The following PRKCE variants were observed in gnomAD, a reference collection of about 807,000 sequenced individuals.
The protein encoded by PRKCE is protein kinase C epsilon, also known as protein kinase C epsilon type.
PRKCE carries 16 observed loss-of-function variants against 85.4 expected under a neutral mutation model. The observed-to-expected ratio is 0.19, with a 90% CI of 0.13 to 0.28. PRKCE has a LOEUF of 0.28. PRKCE is among the 10% of genes least tolerant of loss of function. PRKCE has a pLI of 1.00. For synonymous variants in PRKCE, 388 were observed against 371.5 expected, an observed-to-expected ratio of 1.04 and a Z score of -0.51; for missense variants, 573 against 975.2, an observed-to-expected ratio of 0.59 and a Z score of 5.49.
intron 6 of PRKCE, among the ~76,000 whole-genome samples, chr2:45,994,533 T>C (rs983797828): frequency 1.3e-5 from 2 of 152,220 alleles, no homozygotes; most frequent in Admixed American, 1.3e-4. Flanking sequence ...ATAGTTGGAA[T>C]GATACAGGGG....
In PRKCE at chr2:45,875,464, G is replaced by A. The variant is rs112218763; in HGVS notation, c.412+32401G>A. 6.0e-3 allele frequency among the ~76,000 whole-genome samples: 915 copies of A among 152,338 alleles called. 5 individuals are homozygous for A. Among genetic ancestry groups the A allele is most frequent in the Non-Finnish European group, 9.9e-3 (671 of 68,038 alleles). On this transcript the variant is annotated intron_variant, in intron 2 of 14. Coordinates refer to ENST00000306156, the MANE Select transcript of PRKCE (RefSeq NM_005400.3). ...AAACATCAGAGTCCAGCTCTGGAGG[G>A]ACCAGGAACAGGGGTCTGGAGGCTT...
chr2:46,055,308 C>T (rs1666463802), intron 10 of PRKCE, among the ~76,000 whole-genome samples: 1 of 152,238 alleles, frequency 6.6e-6, no homozygotes, highest in African/African-American at 2.4e-5. Context: ...TGCACCTGCT[C>T]ACCTGTGCTC....
At chr2:46,064,457 G>A (rs1667439306) in intron 10 of PRKCE, among the ~76,000 whole-genome samples, 1 of 152,082 alleles carries the variant, frequency 6.6e-6, no homozygotes, top group African/African-American at 2.4e-5. Flanking sequence ...TTGCACTAAT[G>A]GTTTCTTTAA....
chr2:46,120,801 G>T (rs1297145169), intron 11 of PRKCE, among the ~76,000 whole-genome samples: 2 of 152,140 alleles, frequency 1.3e-5, no homozygotes, highest in Non-Finnish European at 2.9e-5. Flanking sequence ...AAAACCAGAG[G>T]CTTGTCTTCT....
intron 14 of PRKCE, among the ~76,000 whole-genome samples, chr2:46,182,506 A>T (rs1405824318): frequency 6.6e-6 from 1 of 151,938 alleles, no homozygotes. Context: ...GGCATCATGG[A>T]CACCCCTCAG....
In PRKCE at chr2:45,774,115, G is replaced by A. The variant is rs1685563726; in HGVS notation, c.349-68885G>A. Among the ~76,000 whole-genome samples, 1 of 152,176 alleles carries A rather than the reference G, an allele frequency of 6.6e-6. No homozygotes were observed. The highest frequency in any genetic ancestry group is 2.4e-5 in the African/African-American group (1 of 41,438). On this transcript the variant is annotated intron_variant, in intron 1 of 14. Coordinates refer to ENST00000306156, the MANE Select transcript of PRKCE (RefSeq NM_005400.3). The surrounding 1 kb of genome is among the most constrained non-coding windows in gnomAD (Gnocchi z 4.3). ...ACCCTTTGTTGGTAGGACCTCCCTT[G>A]GAGAGATGGGGGCTGGAGGGAGCCA...
chr2:46,005,901 G>A (rs188498494), intron 8 of PRKCE, among the ~76,000 whole-genome samples: 33 of 152,280 alleles, frequency 2.2e-4, no homozygotes, highest in Non-Finnish European at 3.2e-4. Context: ...GGGTTTTCAC[G>A]TGTTCCTTTC....
At chr2:45,770,867 C>CTT in intron 1 of PRKCE, 1 of 150,484 alleles carries the variant, frequency 6.6e-6, no homozygotes, top group African/African-American at 2.5e-5. Flanking sequence ...CAAACAAGGG[C>CTT]TTTTTTTTTT....
At chr2:46,066,063 A>T (rs1304074582) in intron 10 of PRKCE, among the ~76,000 whole-genome samples, 1 of 152,210 alleles carries the variant, frequency 6.6e-6, no homozygotes, top group East Asian at 1.9e-4. Flanking sequence ...TGACAGTCCA[A>T]CTGTCATTTT....
Position 45,899,258 on chromosome 2 carries a change from T to C in PRKCE, c.412+56195T>C, listed in dbSNP as rs189786536. 2.5e-3 allele frequency among the ~76,000 whole-genome samples: 385 copies of C among 152,274 alleles called. 1 individual carries two copies. The highest frequency in any genetic ancestry group is 8.9e-3 in the African/African-American group (370 of 41,560). ...AAAACTTTGTCTTTGGAAATTAAAC[T>C]TTTTCCCCCTTTTGATATTTATAGG... On this transcript the variant is annotated intron_variant, in intron 2 of 14. Coordinates refer to ENST00000306156, the MANE Select transcript of PRKCE (RefSeq NM_005400.3).
chr2:46,054,945 C>T (rs1666418292), intron 10 of PRKCE, among the ~76,000 whole-genome samples: 1 of 152,166 alleles, frequency 6.6e-6, no homozygotes, highest in Non-Finnish European at 1.5e-5. Flanking sequence ...AGGAGTCTGG[C>T]CATCCCGGGG....
intron 2 of PRKCE, among the ~76,000 whole-genome samples, chr2:45,861,672 G>A (rs981228133): frequency 7.2e-5 from 11 of 152,124 alleles, no homozygotes; most frequent in African/African-American, 1.4e-4. Context: ...AACTGTTGGC[G>A]AGAATGAAAC....
intron 2 of PRKCE, among the ~76,000 whole-genome samples, chr2:45,922,105 G>C (rs554645936): frequency 6.6e-6 from 1 of 152,288 alleles, no homozygotes; most frequent in African/African-American, 2.4e-5. Context: ...TGGTGTGAAT[G>C]TGGTTCCTAA....
In PRKCE at chr2:46,139,566, C is replaced by G. The variant is rs925678999; in HGVS notation, c.1593-5527C>G. ...TATCTGAAGGCTGATGGTCCAGTTA[C>G]CATTCCTAGGACTTAGTCCTTGTCT... is the stretch of plus-strand genomic sequence containing the variant. On this transcript the variant is annotated intron_variant, in intron 11 of 14. Coordinates refer to ENST00000306156, the MANE Select transcript of PRKCE (RefSeq NM_005400.3). This position sits in a 1 kb window ranked among gnomAD's most constrained non-coding sequence, Gnocchi z 5.2. 6.6e-6 allele frequency among the ~76,000 whole-genome samples: 1 copy of G among 152,080 alleles called. No homozygotes were observed. Among genetic ancestry groups the G allele is most frequent in the Admixed American group, 6.5e-5 (1 of 15,274 alleles).
At chr2:45,661,516 GTT>G (rs1270841370) in intron 1 of PRKCE, among the ~76,000 whole-genome samples, 3 of 121,154 alleles carry the variant, frequency 2.5e-5, no homozygotes, top group African/African-American at 9.7e-5. Context: ...GTTTTGTTTT[GTT>G]TTTTGTTTTT....
intron 2 of PRKCE, among the ~76,000 whole-genome samples, chr2:45,890,410 C>G (rs1695633723): frequency 6.6e-6 from 1 of 152,074 alleles, no homozygotes; most frequent in Admixed American, 6.5e-5. Flanking sequence ...GACAGAGTCT[C>G]ACTCTGTCTC....
chr2:45,781,087 C>G (rs1289963385), intron 1 of PRKCE, among the ~76,000 whole-genome samples: 1 of 152,040 alleles, frequency 6.6e-6, no homozygotes, highest in Non-Finnish European at 1.5e-5. Context: ...AATCCCAGCA[C>G]TTTGGGAGGC....
intron 1 of PRKCE, among the ~76,000 whole-genome samples, chr2:45,817,836 G>C (rs7593874): frequency 0.33 from 49,541 of 152,026 alleles, 8,536 homozygotes; most frequent in African/African-American, 0.43. Context: ...GCAAATCTGG[G>C]TCTCTCTCTC....
At chr2:45,679,197 T>C (rs1455267904) in intron 1 of PRKCE, among the ~76,000 whole-genome samples, 1 of 152,192 alleles carries the variant, frequency 6.6e-6, no homozygotes, top group Non-Finnish European at 1.5e-5. Context: ...GTGGCTGCAA[T>C]AGAATCTGCC....
Sources: allele counts gnomAD v4.1 joint callset (sites outside exome capture counted in the v4.1 genomes callset), GRCh38; gene constraint gnomAD v4.1.1; non-coding constraint Gnocchi (gnomAD v3.1); transcripts MANE v1.5; gene names NCBI Gene and HGNC (gene_info 2026-07-23, HGNC 2026-07-21).